Variants in MTX2 observed in about 807,000 individuals in gnomAD.
MTX2 encodes the protein metaxin-2.
MTX2 carries 35 observed loss-of-function variants against 42.3 expected under a neutral mutation model. That is an observed-to-expected ratio of 0.83 (90% CI 0.63 to 1.10). MTX2 has a LOEUF of 1.10. Among genes scored for constraint, MTX2 ranks in the 50% least tolerant of loss-of-function variants. The pLI, the probability that MTX2 is intolerant of heterozygous loss-of-function variation, is 0.00. For missense variants in MTX2, 307 were observed against 304.1 expected (o/e 1.01, Z -0.07); for synonymous variants, 119 against 100.9 (o/e 1.18, Z -1.08).
chr2:176,272,611 A>G (rs1692848813), intron 1 of MTX2, among the ~76,000 whole-genome samples: 1 of 152,184 alleles, frequency 6.6e-6, no homozygotes, highest in Non-Finnish European at 1.5e-5. Flanking sequence ...GAAGAAGTAT[A>G]TCTGTTAAAT....
rs76558173 is a variant in MTX2 at position 176,335,167 on chromosome 2, T to TAA, written c.621-2324_621-2323dup. Among the ~76,000 whole-genome samples, 121 of 152,206 alleles carry TAA rather than the reference T, an allele frequency of 7.9e-4. 1 individual carries two copies. In the East Asian group the frequency reaches 0.023, roughly 29 times the overall value. On this transcript the variant is annotated intron_variant, in intron 9 of 9. Transcript: ENST00000249442. The stretch of plus-strand genomic sequence containing the variant: ...TGAGGAGACTTTAAGATGTGCCATT[T>TAA]AAACCTTATTCTAAAAAATAAGGAG...
At chr2:176,312,807 G>A (rs1389293245) in intron 3 of MTX2, among the ~76,000 whole-genome samples, 3 of 141,438 alleles carry the variant, frequency 2.1e-5, no homozygotes, top group Non-Finnish European at 4.5e-5. Flanking sequence ...AGGTTGCAGT[G>A]AGCCGAGATT....
chr2:176,273,227 T>C (rs551312493), intron 1 of MTX2, among the ~76,000 whole-genome samples: 27 of 152,338 alleles, frequency 1.8e-4, no homozygotes, highest in Non-Finnish European at 3.4e-4. Context: ...CTGTTAATAC[T>C]GTCAGAATGG....
intron 1 of MTX2, among the ~76,000 whole-genome samples, chr2:176,283,850 T>G (rs991942442): frequency 5.9e-5 from 9 of 152,180 alleles, no homozygotes; most frequent in Non-Finnish European, 8.8e-5. Context: ...TTGTATCTGT[T>G]TTTTGGCCAG....
At chr2:176,322,679 T>A (rs1293504226) in intron 3 of MTX2, among the ~76,000 whole-genome samples, 1 of 151,946 alleles carries the variant, frequency 6.6e-6, no homozygotes, top group Non-Finnish European at 1.5e-5. Context: ...GAGTTTTGCA[T>A]TTTTTTACTT....
At chr2:176,318,168 T>G (rs1684491549) in intron 3 of MTX2, among the ~76,000 whole-genome samples, 1 of 152,198 alleles carries the variant, frequency 6.6e-6, no homozygotes, top group African/African-American at 2.4e-5. Flanking sequence ...TAATAGATTT[T>G]TTTTTAAAGG....
intron 3 of MTX2, among the ~76,000 whole-genome samples, chr2:176,312,493 T>C (rs1684338701): frequency 6.6e-6 from 1 of 152,174 alleles, no homozygotes; most frequent in Non-Finnish European, 1.5e-5. Flanking sequence ...ATATCTTGTT[T>C]TTGCTTTGTT....
intron 3 of MTX2, among the ~76,000 whole-genome samples, chr2:176,311,257 G>A (rs534503990): frequency 2.6e-5 from 4 of 152,234 alleles, no homozygotes; most frequent in African/African-American, 4.8e-5. Flanking sequence ...ATTACTGCCT[G>A]TTCCTTCCTC....
In MTX2 at chr2:176,323,431, T is replaced by C; in HGVS notation, c.175T>C (p.Cys59Arg). 2 of 1,611,526 alleles carry C rather than the reference T, an allele frequency of 1.2e-6. No individual in the cohort carries two copies. Among genetic ancestry groups the C allele is most frequent in the Non-Finnish European group, 1.7e-6 (2 of 1,178,348 alleles). The change falls in exon 4 of 10, where the codon TGT becomes CGT. Residue 59 changes from cysteine (C) to arginine (R), a missense_variant. Coordinates refer to ENST00000249442, the MANE Select transcript of MTX2 (RefSeq NM_006554.5). The part of the protein sequence containing the change: ...QMCNLPIKVV[C>R]RANAEYMSPS... The stretch of plus-strand genomic sequence containing the variant: ...GTGTAACTTGCCTATCAAAGTAGTT[T>C]GTAGGGCAAATGCAGAATATATGTC...
chr2:176,328,291 A>G lies in MTX2; in HGVS notation c.286-2A>G. 1 of 1,544,892 alleles carries G rather than the reference A, an allele frequency of 6.5e-7. No homozygotes were observed. Among genetic ancestry groups the G allele is most frequent in the Non-Finnish European group, 8.7e-7 (1 of 1,151,000 alleles). On this transcript the variant is annotated splice_acceptor_variant, in intron 5 of 9. Coordinates refer to ENST00000249442, the MANE Select transcript of MTX2 (RefSeq NM_006554.5). LOFTEE classifies it high-confidence loss of function. ...TTTTAAATTTTTTTAAATTCCCTTTAGGGCCATTCTCTTAGTGATGGGCTG... is the reference window on the plus strand; with the variant it reads ...TTTTAAATTTTTTTAAATTCCCTTTGGGGCCATTCTCTTAGTGATGGGCTG...
At chr2:176,304,379 T>C (rs909878230) in intron 3 of MTX2, 8 of 153,334 alleles carry the variant, frequency 5.2e-5, no homozygotes, top group Non-Finnish European at 8.8e-5. Context: ...CAAAGGAATT[T>C]GTTATTTTGT....
intron 1 of MTX2, among the ~76,000 whole-genome samples, chr2:176,276,126 T>G (rs1692941121): frequency 6.6e-6 from 1 of 152,258 alleles, no homozygotes; most frequent in Non-Finnish European, 1.5e-5. Flanking sequence ...AAAAATTTAT[T>G]TGTAAATAAC....
intron 9 of MTX2, among the ~76,000 whole-genome samples, chr2:176,332,179 C>T (rs1424734405): frequency 6.6e-6 from 1 of 151,140 alleles, no homozygotes; most frequent in African/African-American, 2.4e-5. Context: ...TAAACATTTT[C>T]CCTAAAAATA....
At chr2:176,303,527 T>C (rs1204610012) in intron 3 of MTX2, among the ~76,000 whole-genome samples, 2 of 152,132 alleles carry the variant, frequency 1.3e-5, no homozygotes, top group African/African-American at 4.8e-5. Flanking sequence ...TATTATAGTT[T>C]GTGTGTCAGA....
At chr2:176,293,579 A>G (rs1693374158) in intron 1 of MTX2, among the ~76,000 whole-genome samples, 1 of 151,822 alleles carries the variant, frequency 6.6e-6, no homozygotes, top group Admixed American at 6.6e-5. Flanking sequence ...AGAGAGCGGC[A>G]TCTCCCCCCC....
intron 3 of MTX2, among the ~76,000 whole-genome samples, chr2:176,307,413 A>C (rs1684180234): frequency 6.6e-6 from 1 of 151,950 alleles, no homozygotes; most frequent in South Asian, 2.1e-4. Context: ...TTCCATATGA[A>C]CTTTAGTTTT....
intron 3 of MTX2, among the ~76,000 whole-genome samples, chr2:176,314,463 C>G (rs1161351854): frequency 1.3e-5 from 2 of 151,452 alleles, no homozygotes; most frequent in Admixed American, 1.3e-4. Context: ...AATATATTTA[C>G]TTTTTTCTGT....
chr2:176,308,333 T>A (rs1206190446), intron 3 of MTX2, among the ~76,000 whole-genome samples: 1 of 152,216 alleles, frequency 6.6e-6, no homozygotes, highest in Admixed American at 6.5e-5. Flanking sequence ...TTCGCATTGA[T>A]GTTCATCAGT....
intron 3 of MTX2, among the ~76,000 whole-genome samples, chr2:176,307,651 TTC>T (rs975982456): frequency 2.9e-4 from 44 of 152,202 alleles, no homozygotes; most frequent in Admixed American, 1.2e-3. Context: ...AGGTATTTTA[TTC>T]TCTGTGTAGC....
Sources: gnomAD v4.1 joint callset for allele counts (sites outside exome capture counted in the v4.1 genomes callset) on GRCh38, gnomAD v4.1.1 for gene constraint, MANE v1.5 for transcripts, NCBI Gene and HGNC (gene_info 2026-07-23, HGNC 2026-07-21) for gene names.